PTPRT: variants seen among roughly 807,000 people sequenced by gnomAD.
The protein encoded by PTPRT is receptor-type tyrosine-protein phosphatase T.
In PTPRT, 56 loss-of-function variants were observed where a neutral mutation model predicts 176.8. That is an observed-to-expected ratio of 0.32 (90% confidence interval 0.26 to 0.40). PTPRT has a LOEUF of 0.40. PTPRT is among the 10% of genes least tolerant of loss of function. The probability of loss-of-function intolerance (pLI) is 1.00; values close to 1 mark genes in which losing one functional copy is unlikely to be tolerated. For synonymous variants in PTPRT, 783 were observed against 739.0 expected, an observed-to-expected ratio of 1.06 and a Z score of -0.96; for missense variants, 1,540 against 1,908.2, an observed-to-expected ratio of 0.81 and a Z score of 3.60.
chr20:42,293,702 A>G (rs1275404096), intron 12 of PTPRT, among the ~76,000 whole-genome samples: 5 of 152,164 alleles, frequency 3.3e-5, no homozygotes, highest in South Asian at 2.1e-4. Flanking sequence ...AATCAAATAT[A>G]CAATCATCTA....
At chr20:42,784,235 G>T (rs2077256952) in intron 3 of PTPRT, among the ~76,000 whole-genome samples, 1 of 152,188 alleles carries the variant, frequency 6.6e-6, no homozygotes, top group Non-Finnish European at 1.5e-5. Context: ...TTCATACTTG[G>T]AGGAGGGTGT....
At chr20:42,888,125 C>T (rs1600522142) in intron 1 of PTPRT, among the ~76,000 whole-genome samples, 1 of 152,202 alleles carries the variant, frequency 6.6e-6, no homozygotes, top group South Asian at 2.1e-4. Flanking sequence ...GTTATAACAG[C>T]CGAAATGGAT....
chr20:42,093,977 C>A (rs1600490805), intron 27 of PTPRT, among the ~76,000 whole-genome samples: 1 of 152,336 alleles, frequency 6.6e-6, no homozygotes, highest in East Asian at 1.9e-4. Context: ...TACTTCTGAG[C>A]CTGATGTTTT....
intron 19 of PTPRT, among the ~76,000 whole-genome samples, chr20:42,124,341 A>G: frequency 6.6e-6 from 1 of 152,194 alleles, no homozygotes; most frequent in Non-Finnish European, 1.5e-5. Context: ...TTGCATCCAA[A>G]ACGCATTTAT....
At chr20:43,085,033 G>T (rs2146295556) in intron 1 of PTPRT, among the ~76,000 whole-genome samples, 1 of 152,282 alleles carries the variant, frequency 6.6e-6, no homozygotes, top group African/African-American at 2.4e-5. Context: ...AGATACCAAA[G>T]CTTCCCTTCT....
chr20:43,046,047 G>C (rs1986824421), intron 1 of PTPRT, among the ~76,000 whole-genome samples: 1 of 152,142 alleles, frequency 6.6e-6, no homozygotes, highest in African/African-American at 2.4e-5. Context: ...GATAAGAGGT[G>C]AGTAGGGGTA....
intron 7 of PTPRT, among the ~76,000 whole-genome samples, chr20:42,648,986 T>C (rs2074976911): frequency 6.6e-6 from 1 of 151,906 alleles, no homozygotes; most frequent in Non-Finnish European, 1.5e-5. Flanking sequence ...GCCTGGCTAA[T>C]TTTTTCTATT....
intron 7 of PTPRT, among the ~76,000 whole-genome samples, chr20:42,550,595 T>C (rs1568970270): frequency 6.6e-6 from 1 of 152,094 alleles, no homozygotes; most frequent in Non-Finnish European, 1.5e-5. Context: ...ATCTCTTGCC[T>C]AGACACAAAT....
chr20:43,140,194 G>A (rs1343972978), intron 1 of PTPRT, among the ~76,000 whole-genome samples: 3 of 151,942 alleles, frequency 2.0e-5, no homozygotes, highest in African/African-American at 4.8e-5. Flanking sequence ...TCTGTACCTC[G>A]CTTTTTTCAA....
At chr20:42,099,022 G>A (rs543608788) in intron 26 of PTPRT, among the ~76,000 whole-genome samples, 1 of 152,364 alleles carries the variant, frequency 6.6e-6, no homozygotes, top group Non-Finnish European at 1.5e-5. Context: ...GAGGGGCTGA[G>A]TTGCCCTGGC....
At chr20:42,621,056 A>G (rs60154566) in intron 7 of PTPRT, among the ~76,000 whole-genome samples, 31,981 of 152,114 alleles carry the variant, frequency 0.21, 4,595 homozygotes, top group African/African-American at 0.41. Context: ...CCATGATTCA[A>G]TCATCTCCCA....
At chr20:42,643,531 G>T (rs1024942342) in intron 7 of PTPRT, among the ~76,000 whole-genome samples, 1 of 151,090 alleles carries the variant, frequency 6.6e-6, no homozygotes, top group Admixed American at 6.6e-5. Flanking sequence ...TGCCCATGCT[G>T]GTCTCAAGCT....
intron 2 of PTPRT, among the ~76,000 whole-genome samples, chr20:42,806,353 G>A (rs1399358237): frequency 5.3e-5 from 8 of 151,818 alleles, no homozygotes; most frequent in African/African-American, 1.5e-4. Flanking sequence ...GCATGGTGGC[G>A]CACGATTGTA....
intron 1 of PTPRT, among the ~76,000 whole-genome samples, chr20:42,898,273 T>A (rs572130177): frequency 1.3e-5 from 2 of 152,146 alleles, no homozygotes; most frequent in African/African-American, 4.8e-5. Flanking sequence ...CAGTGTCATA[T>A]CATAGCTCAC....
intron 7 of PTPRT, among the ~76,000 whole-genome samples, chr20:42,553,259 C>G (rs182121657): frequency 7.9e-4 from 120 of 152,220 alleles, no homozygotes; most frequent in African/African-American, 2.8e-3. Flanking sequence ...CACTATGTGC[C>G]ATTCTGTGCC....
At chr20:42,519,862 T>C in intron 7 of PTPRT, among the ~76,000 whole-genome samples, 1 of 152,162 alleles carries the variant, frequency 6.6e-6, no homozygotes, top group East Asian at 1.9e-4. Context: ...TCTCCCACTA[T>C]GATGTGTCAT....
At chr20:43,143,617 A>G (rs1353113329) in intron 1 of PTPRT, among the ~76,000 whole-genome samples, 1 of 152,198 alleles carries the variant, frequency 6.6e-6, no homozygotes, top group Non-Finnish European at 1.5e-5. Flanking sequence ...AAGAAAAGAG[A>G]AAGAGCTGTG....
intron 1 of PTPRT, among the ~76,000 whole-genome samples, chr20:42,935,622 G>C (rs1316684241): frequency 6.6e-6 from 1 of 152,010 alleles, no homozygotes; most frequent in East Asian, 1.9e-4. Flanking sequence ...GAACATAAGA[G>C]TATCTGGGAT....
intron 7 of PTPRT, among the ~76,000 whole-genome samples, chr20:42,555,580 G>T (rs2072846783): frequency 6.6e-6 from 1 of 152,126 alleles, no homozygotes; most frequent in Non-Finnish European, 1.5e-5. Flanking sequence ...TCCACTCCAA[G>T]ATGACTATGC....
Sources: gnomAD v4.1 joint callset for allele counts (sites outside exome capture counted in the v4.1 genomes callset) on GRCh38, gnomAD v4.1.1 for gene constraint, MANE v1.5 for transcripts, NCBI Gene and HGNC (gene_info 2026-07-23, HGNC 2026-07-21) for gene names.